C6orf132: variants seen among roughly 807,000 people sequenced by gnomAD.
C6orf132 encodes the protein uncharacterized protein C6orf132.
A neutral mutation model predicts 65.3 loss-of-function variants in C6orf132; 43 were observed. The ratio of observed to expected loss-of-function variants is 0.66; its 90% CI spans 0.52 to 0.85. The LOEUF (loss-of-function observed/expected upper bound fraction) is 0.85. Among genes scored for constraint, C6orf132 ranks in the 40% least tolerant of loss-of-function variants. The pLI is 0.00. For synonymous variants in C6orf132, 631 were observed against 654.1 expected (o/e 0.96, Z 0.54); for missense variants, 1,488 against 1,548.8 (o/e 0.96, Z 0.66).
Position 42,107,150 on chromosome 6 carries a change from AC to A in C6orf132, c.761del (p.Gly254ValfsTer9). On this transcript the variant is annotated frameshift_variant, in exon 4 of 5. Coordinates refer to ENST00000341865, the MANE Select transcript of C6orf132 (RefSeq NM_001164446.3). LOFTEE classifies it high-confidence loss of function. ...TVGTRLFPPGGVTKWKSDVAL... is the reference protein window; with the variant it reads ...TVGTRLFPPGXVTKWKSDVAL... ...CTACATCTGATTTCCACTTGGTGAC[AC>A]CCCCAGGGGGAAAGAGACGAGTCCC... is the stretch of plus-strand genomic sequence containing the variant. 1 of 1,381,858 alleles carries A rather than the reference AC, an allele frequency of 7.2e-7. No individual in the cohort carries two copies. The highest frequency in any genetic ancestry group is 9.3e-7 in the Non-Finnish European group (1 of 1,072,010). The allele number at this position is 1,381,858 out of a possible 1,614,324, so 85.6% of individuals were successfully genotyped here.
intron 2 of C6orf132, among the ~76,000 whole-genome samples, chr6:42,113,050 C>G (rs1766516961): frequency 6.6e-6 from 1 of 152,122 alleles, no homozygotes; most frequent in Admixed American, 6.5e-5. Flanking sequence ...TTCTCAAACC[C>G]AGTGATTGGG....
chr6:42,107,745 G>A (rs956199848), intron 3 of C6orf132, among the ~76,000 whole-genome samples, 162 bp from the exon 4 acceptor site: 9 of 152,164 alleles, frequency 5.9e-5, no homozygotes, highest in Non-Finnish European at 7.4e-5. Context: ...CCAGTCTCCT[G>A]AGCTGTCCTG....
rs781733184 is a variant in C6orf132 at position 42,106,621 on chromosome 6, T to C, written c.1291A>G (p.Thr431Ala). The C allele has an allele frequency of 2.6e-6, 4 of 1,530,578 alleles. No homozygotes were observed. The East Asian group carries it at 9.9e-5, about 38-fold the overall frequency. 94.8% of individuals were successfully genotyped at this position (1,530,578 alleles called of 1,614,324 possible). Residue 431 changes from threonine to alanine, a missense_variant, in exon 4 of 5, where the codon ACA becomes GCA. Transcript: ENST00000341865. ...QKAAHPPAGF[T>A]KTPKSSSPAL... is the part of the protein sequence containing the mutation. ...GGAGAGCTGGATTTAGGGGTTTTTG[T>C]AAACCCAGCAGGTGGATGGGCTGCC...
chr6:42,114,701 C>T (rs550756192), intron 2 of C6orf132, among the ~76,000 whole-genome samples: 1 of 152,236 alleles, frequency 6.6e-6, no homozygotes, highest in South Asian at 2.1e-4. Flanking sequence ...AAAGGAAAAG[C>T]CTCCTTAAGA....
At position 42,105,666 on chromosome 6, in the gene C6orf132, C is replaced by T. The variant is rs770665248; in HGVS notation, c.2246G>A (p.Arg749His). The T allele has an allele frequency of 3.8e-5, 59 of 1,537,120 alleles. No homozygotes were observed. The highest frequency in any genetic ancestry group is 2.0e-4 in the East Asian group (8 of 40,936). The change falls in exon 4 of 5, where the codon CGC (arginine) becomes CAC (histidine). Residue 749 changes from arginine to histidine, a missense_variant. By Grantham distance (29) the Arg-to-His change is conservative. Coordinates refer to ENST00000341865, the MANE Select transcript of C6orf132 (RefSeq NM_001164446.3). ...CTTTGGTGGGAAGGCTGCAGATGAG[C>T]GGGCTCCCTGTGTGGGCAGCCTAGT... ...EATRLPTQGA[R>H]SSAAFPPKTS...
intron 2 of C6orf132, among the ~76,000 whole-genome samples, chr6:42,119,582 A>G (rs1379008929): frequency 2.0e-5 from 3 of 151,634 alleles, no homozygotes; most frequent in African/African-American, 7.3e-5. Context: ...CCTGGCCTCC[A>G]GTGATCCACC....
chr6:42,136,121 A>G (rs991749757), intron 1 of C6orf132, among the ~76,000 whole-genome samples: 1 of 148,908 alleles, frequency 6.7e-6, no homozygotes, highest in African/African-American at 2.5e-5. Context: ...ATAATAATAA[A>G]AATAATAAAA....
rs928617838 is a variant in C6orf132, at chr6:42,141,690, G to A, written c.145+610C>T. Among the ~76,000 whole-genome samples the A allele has an allele frequency of 5.9e-5, 9 of 152,290 alleles. No individual in the cohort carries two copies. The Middle Eastern group carries it at 0.017, about 290-fold the overall frequency. Reference sequence around the variant, plus strand: ...CCAGGTTGAACTGGCAGGAGCCTGTGGCCCCAATAAGTGACTTGGTGTCAC... The same window carrying A: ...CCAGGTTGAACTGGCAGGAGCCTGTAGCCCCAATAAGTGACTTGGTGTCAC... On this transcript the variant is annotated intron_variant, in intron 1 of 4. Transcript: ENST00000341865.
Position 42,103,836 on chromosome 6 carries a change from C to A in C6orf132, c.3492G>T (p.Thr1164=). 6.7e-7 allele frequency: 1 copy of A among 1,491,194 alleles called. No individual in the cohort carries two copies. The highest frequency in any genetic ancestry group is 8.9e-7 in the Non-Finnish European group (1 of 1,122,810). 92.4% of individuals were successfully genotyped at this position (1,491,194 alleles called of 1,614,324 possible). ...GGCGGGTCCCAGGCCTCACGGTGAA[C>A]GTGTTGATGGGGCTTCCATAGCGGG... ...TTTRYGSPIN[T]FTVRPGTRHP... The change falls in exon 5 of 5, where the codon ACG becomes ACT. Residue 1164 remains threonine (T), a synonymous_variant. Coordinates refer to ENST00000341865, the MANE Select transcript of C6orf132 (RefSeq NM_001164446.3).
Position 42,107,046 on chromosome 6 carries a change from C to G in C6orf132, c.866G>C (p.Gly289Ala). 1 of 1,511,664 alleles carries G rather than the reference C, an allele frequency of 6.6e-7. No homozygotes were observed. Among genetic ancestry groups the G allele is most frequent in the Non-Finnish European group, 8.8e-7 (1 of 1,132,906 alleles). The allele number at this position is 1,511,664 out of a possible 1,614,324, so 93.6% of individuals were successfully genotyped here. A position where few individuals can be genotyped will look rare whatever the true frequency, so the allele number is the denominator to read the frequency against. The change falls in exon 4 of 5, where the codon GGA becomes GCA. Residue 289 changes from glycine (G) to alanine (A), a missense_variant. Transcript: ENST00000341865. The stretch of plus-strand genomic sequence containing the variant: ...GGTGAGATGGGGCTCTGGGTTAGGT[C>G]CCAGGGCGCTCCCCTTTGGCTCAGC... ...SPAEPKGSAL[G>A]PNPEPHLTFP...
intron 1 of C6orf132, among the ~76,000 whole-genome samples, chr6:42,138,349 T>C (rs113834596): frequency 0.079 from 11,959 of 152,244 alleles, 1,517 homozygotes; most frequent in African/African-American, 0.27. Flanking sequence ...TGGAGTGCAG[T>C]GGCGCAATCT....
intron 2 of C6orf132, among the ~76,000 whole-genome samples, chr6:42,117,013 G>A (rs1420150537): frequency 1.3e-5 from 2 of 152,106 alleles, no homozygotes; most frequent in Non-Finnish European, 2.9e-5. Flanking sequence ...TCAAGCTTCC[G>A]CAGCCTTGTT....
chr6:42,138,714 A>T (rs1297331134), intron 1 of C6orf132, among the ~76,000 whole-genome samples: 30 of 152,256 alleles, frequency 2.0e-4, no homozygotes, highest in African/African-American at 7.2e-4. Flanking sequence ...GCGGTGGTAG[A>T]TAAAGAATCT....
chr6:42,107,836 A>G (rs530992776), intron 3 of C6orf132, among the ~76,000 whole-genome samples: 1 of 152,046 alleles, frequency 6.6e-6, no homozygotes, highest in South Asian at 2.1e-4. Flanking sequence ...AATTACCTCC[A>G]TTTGCCTCCC....
At position 42,124,859 on chromosome 6, in the gene C6orf132, C is replaced by T. The variant is rs1461507079; in HGVS notation, c.252+3813G>A. On this transcript the variant is annotated intron_variant, in intron 2 of 4. Transcript: ENST00000341865. This position sits in a 1 kb window ranked among gnomAD's most constrained non-coding sequence, Gnocchi z 4.0. ...GCCGCCAGCCGGATTCCCCTCCACC[C>T]GGGAGCAAGCGACGAACGACATGGA... Among the ~76,000 whole-genome samples the T allele has an allele frequency of 2.0e-5, 3 of 152,314 alleles. No homozygotes were observed. Among genetic ancestry groups the T allele is most frequent in the African/African-American group, 4.8e-5 (2 of 41,568 alleles).
rs1766392219 is a variant in C6orf132, at chr6:42,105,823, T to C, written c.2089A>G (p.Thr697Ala). The C allele has an allele frequency of 6.5e-7, 1 of 1,536,928 alleles. No individual in the cohort carries two copies. Among genetic ancestry groups the C allele is most frequent in the South Asian group, 1.2e-5 (1 of 84,056 alleles). Residue 697 changes from threonine to alanine, a missense_variant, in exon 4 of 5, where the codon ACT (threonine) becomes GCT (alanine). Thr to Ala is a moderately conservative substitution (Grantham distance 58, BLOSUM62 0). Transcript: ENST00000341865. ...SGPAIASTAT[T>A]LPTTTSQLMA... is the part of the protein sequence containing the mutation. ...AGTTGGGATGTGGTGGTGGGCAGAG[T>C]TGTGGCTGTAGATGCTATGGCAGGG...
At chr6:42,123,456 GGAGAAGGAGAAGAAGGAGAAGGAGA>G (rs1766719028) in intron 2 of C6orf132, among the ~76,000 whole-genome samples, 2 of 93,110 alleles carry the variant, frequency 2.1e-5, no homozygotes, top group Admixed American at 1.0e-4. Flanking sequence ...AGGAGAAGAA[GGAGAAGGAGAAGAAGGAGAAGGAGA>G]AGAAGAAGAA....
chr6:42,135,650 T>C (rs528249320), intron 1 of C6orf132, among the ~76,000 whole-genome samples: 145 of 152,322 alleles, frequency 9.5e-4, no homozygotes, highest in Non-Finnish European at 1.8e-3. Context: ...TTTAGTTCTT[T>C]CCCCACATTC....
At position 42,124,937 on chromosome 6, in the gene C6orf132, T is replaced by A. The variant is rs1419998243; in HGVS notation, c.252+3735A>T. ...GGAGCACAGAAGAGTCCCTGTGATG[T>A]GGGCCACTGGGCCAAGGGTTCCTAA... On this transcript the variant is annotated intron_variant, in intron 2 of 4. Coordinates refer to ENST00000341865, the MANE Select transcript of C6orf132 (RefSeq NM_001164446.3). This position sits in a 1 kb window ranked among gnomAD's most constrained non-coding sequence, Gnocchi z 4.0. Among the ~76,000 whole-genome samples the A allele has an allele frequency of 6.6e-6, 1 of 152,210 alleles. No homozygotes were observed. The highest frequency in any genetic ancestry group is 1.9e-4 in the East Asian group (1 of 5,184).
Sources: gnomAD v4.1 joint callset for allele counts (sites outside exome capture counted in the v4.1 genomes callset) on GRCh38, gnomAD v4.1.1 for gene constraint, Gnocchi (gnomAD v3.1) non-coding constraint, MANE v1.5 for transcripts, NCBI Gene and HGNC (gene_info 2026-07-23, HGNC 2026-07-21) for gene names.